Variants in ANGPTL7 observed in about 807,000 individuals in gnomAD.
ANGPTL7 encodes angiopoietin-related protein 7.
ANGPTL7 carries 37 observed loss-of-function variants against 38.8 expected under a neutral mutation model. The ratio of observed to expected loss-of-function variants is 0.95; its 90% CI spans 0.73 to 1.25. ANGPTL7 has a LOEUF of 1.25. Among genes scored for constraint, ANGPTL7 ranks in the 50% most tolerant of loss-of-function variants. The pLI, the probability that ANGPTL7 is intolerant of heterozygous loss-of-function variation, is 0.00. For synonymous variants in ANGPTL7, 166 were observed against 163.2 expected, an observed-to-expected ratio of 1.02 and a Z score of -0.13; for missense variants, 427 against 438.6, an observed-to-expected ratio of 0.97 and a Z score of 0.24.
rs200566948 is a variant in ANGPTL7 at position 11,194,907 on chromosome 1, C to T, written c.925C>T (p.Arg309Cys). ...TDSNLNGVYY[R>C]LGEHNKHLDG... ...CTCCAACCTCAATGGAGTGTACTAC[C>T]GCCTGGGTGAGCACAATAAGCACCT... is the stretch of plus-strand genomic sequence containing the variant. Residue 309 changes from arginine (R) to cysteine (C), a missense_variant, in exon 5 of 5, where the codon CGC becomes TGC. Transcript: ENST00000376819. 34 of 1,614,008 alleles carry T rather than the reference C, an allele frequency of 2.1e-5. No individual in the cohort carries two copies. The highest frequency in any genetic ancestry group is 6.7e-5 in the African/African-American group (5 of 74,884).
chr1:11,189,659 A>T lies in ANGPTL7; in HGVS notation c.80A>T (p.Gln27Leu), dbSNP rs1295214993. 1.2e-6 allele frequency: 2 copies of T among 1,614,194 alleles called. No individual in the cohort carries two copies. Among genetic ancestry groups the T allele is most frequent in the African/African-American group, 2.7e-5 (2 of 75,040 alleles). ...VAFVSHPAWL[Q>L]KLSKHKTPAQ... ...TTTGTCAGCCACCCAGCGTGGCTGCAGAAGCTCTCTAAGCACAAGACACCA... is the reference window on the plus strand; with the variant it reads ...TTTGTCAGCCACCCAGCGTGGCTGCTGAAGCTCTCTAAGCACAAGACACCA... Residue 27 changes from glutamine to leucine, a missense_variant, in exon 1 of 5, where the codon CAG becomes CTG. Transcript: ENST00000376819.
At position 11,194,534 on chromosome 1, in the gene ANGPTL7, T is replaced by G; in HGVS notation, c.746T>G (p.Leu249Arg). The change falls in exon 4 of 5, where the codon CTC becomes CGC. Residue 249 changes from leucine to arginine, a missense_variant. By Grantham distance (102) the Leu-to-Arg change is moderately radical (BLOSUM62 -2). Coordinates refer to ENST00000376819, the MANE Select transcript of ANGPTL7 (RefSeq NM_021146.4). Reference sequence around the variant, plus strand: ...GGCAATGAACTCAACAGCTATCGCCTCTTCCTGGGGAACTACACTGGCAAT... The same window carrying G: ...GGCAATGAACTCAACAGCTATCGCCGCTTCCTGGGGAACTACACTGGCAAT... ...VLGNELNSYRLFLGNYTGNVG... is the reference protein window; with the variant it reads ...VLGNELNSYRRFLGNYTGNVG... 6.2e-7 allele frequency: 1 copy of G among 1,614,148 alleles called. No homozygotes were observed.
At chr1:11,192,195 G>A (rs1334450528) in intron 1 of ANGPTL7, 75 bp from the exon 2 acceptor site, 34 of 1,085,524 alleles carry the variant, frequency 3.1e-5, no homozygotes, top group Non-Finnish European at 4.7e-5. Flanking sequence ...AGAAATAAAG[G>A]CTCAGTCTCT....
At chr1:11,193,240 G>A (rs940201528) in intron 2 of ANGPTL7, among the ~76,000 whole-genome samples, 5 of 152,010 alleles carry the variant, frequency 3.3e-5, no homozygotes, top group African/African-American at 9.7e-5. Context: ...AACTCAGGAG[G>A]TGGAGGTTGC....
At chr1:11,192,783 C>T (rs966412250) in intron 2 of ANGPTL7, among the ~76,000 whole-genome samples, 4 of 147,232 alleles carry the variant, frequency 2.7e-5, no homozygotes, top group Non-Finnish European at 6.0e-5. Flanking sequence ...AACTCAAACA[C>T]AAGCAAACAC....
chr1:11,194,195 T>C (rs987280162), intron 3 of ANGPTL7, among the ~76,000 whole-genome samples: 7 of 152,172 alleles, frequency 4.6e-5, no homozygotes, highest in African/African-American at 1.4e-4. Context: ...AGCAAAAACA[T>C]AGCTGCACCT....
At chr1:11,192,989 G>A (rs1031771497) in intron 2 of ANGPTL7, among the ~76,000 whole-genome samples, 1 of 151,876 alleles carries the variant, frequency 6.6e-6, no homozygotes, top group South Asian at 2.1e-4. Context: ...TGGGGGAGGA[G>A]AAAAGAAAAC....
Position 11,194,472 on chromosome 1 carries a change from C to A in ANGPTL7, c.684C>A (p.Gly228=). The part of the protein sequence containing the change: ...RLRVEMEDWE[G]NLRYAEYSHF... ...GCTCCTCCTGACAGGACTGGGAGGG[C>A]AACCTGCGCTACGCTGAGTATAGCC... Residue 228 remains glycine, a synonymous_variant, in exon 4 of 5, where the codon GGC becomes GGA. Coordinates refer to ENST00000376819, the MANE Select transcript of ANGPTL7 (RefSeq NM_021146.4). 3 of 1,613,994 alleles carry A rather than the reference C, an allele frequency of 1.9e-6. No individual in the cohort carries two copies. Among genetic ancestry groups the A allele is most frequent in the Non-Finnish European group, 2.5e-6 (3 of 1,180,022 alleles).
intron 2 of ANGPTL7, 25 bp from the exon 3 acceptor site, chr1:11,193,555 C>T (rs368967216): frequency 1.3e-6 from 2 of 1,554,304 alleles, no homozygotes; most frequent in Non-Finnish European, 1.7e-6. Context: ...GCAAGTCCCT[C>T]ACCAGAGTAT....
intron 1 of ANGPTL7, among the ~76,000 whole-genome samples, chr1:11,191,378 C>G (rs1443103997): frequency 6.6e-6 from 1 of 152,152 alleles, no homozygotes; most frequent in African/African-American, 2.4e-5. Context: ...CCTCCCTTTC[C>G]CAAGGTGCTC....
At position 11,192,166 on chromosome 1, in the gene ANGPTL7, C is replaced by T. The variant is rs28991001; in HGVS notation, c.377-104C>T. 886 of 851,186 alleles carry T rather than the reference C, an allele frequency of 1.0e-3. 7 individuals are homozygous for T. In the African/African-American group the frequency reaches 0.014, roughly 13 times the overall value. 52.7% of individuals were successfully genotyped at this position (851,186 alleles called of 1,614,324 possible). ...TGCAGACACTGATGGGTAATTAACA[C>T]CACTGAGAATCCCAGGGTAGAAATA... On this transcript the variant is annotated intron_variant, in intron 1 of 4. Transcript: ENST00000376819.
chr1:11,193,627 G>C lies in ANGPTL7; in HGVS notation c.525G>C (p.Gln175His). The C allele has an allele frequency of 3.1e-6, 5 of 1,612,570 alleles. No homozygotes were observed. Among genetic ancestry groups the C allele is most frequent in the Admixed American group, 1.7e-5 (1 of 59,880 alleles). Residue 175 changes from glutamine to histidine, a missense_variant, in exon 3 of 5, where the codon CAG (glutamine) becomes CAC (histidine). Coordinates refer to ENST00000376819, the MANE Select transcript of ANGPTL7 (RefSeq NM_021146.4). ...ETSGGGWTII[Q>H]RRKSGLVSFY... ...CAGGCGGAGGCTGGACCATCATCCA[G>C]AGACGAAAAAGTGGCCTTGTCTCCT...
intron 1 of ANGPTL7, 119 bp downstream of exon 1, chr1:11,190,074 T>C: frequency 6.7e-6 from 8 of 1,195,630 alleles, no homozygotes; most frequent in Non-Finnish European, 8.1e-6. Context: ...ACTTTCCCTT[T>C]AGTAAAGGCT....
At chr1:11,192,453 A>G in intron 2 of ANGPTL7, 83 bp downstream of exon 2, 1 of 1,226,690 alleles carries the variant, frequency 8.2e-7, no homozygotes, top group African/African-American at 1.5e-5. Flanking sequence ...GGCCATTCAC[A>G]GTTTAAAGAA....
intron 3 of ANGPTL7, among the ~76,000 whole-genome samples, chr1:11,194,005 C>T (rs1261619344): frequency 2.6e-5 from 4 of 152,212 alleles, no homozygotes; most frequent in African/African-American, 7.2e-5. Context: ...AGAGGCCAGA[C>T]CCAGGCCAGA....
In ANGPTL7 at chr1:11,189,927, A is replaced by T. The variant is rs954017854; in HGVS notation, c.348A>T (p.Ala116=). 4.3e-6 allele frequency: 7 copies of T among 1,613,008 alleles called. No homozygotes were observed. The highest frequency in any genetic ancestry group is 5.9e-6 in the Non-Finnish European group (7 of 1,179,684). Residue 116 remains alanine, a synonymous_variant, in exon 1 of 5, where the codon GCA becomes GCT. Coordinates refer to ENST00000376819, the MANE Select transcript of ANGPTL7 (RefSeq NM_021146.4). ...NNQIDIMQLQ[A]AQTVTQTSAD... is the part of the protein sequence containing the mutation. ...AAATTGACATCATGCAGCTGCAGGC[A>T]GCACAGACGGTCACTCAGACCTCCG...
chr1:11,194,944 C>G lies in ANGPTL7; in HGVS notation c.962C>G (p.Thr321Ser). Residue 321 changes from threonine to serine, a missense_variant, in exon 5 of 5, where the codon ACC (threonine) becomes AGC (serine). Thr to Ser is a moderately conservative substitution (Grantham distance 58, BLOSUM62 1). Coordinates refer to ENST00000376819, the MANE Select transcript of ANGPTL7 (RefSeq NM_021146.4). The stretch of plus-strand genomic sequence containing the variant: ...CACAATAAGCACCTGGATGGCATCA[C>G]CTGGTATGGCTGGCATGGATCTACC... ...GEHNKHLDGITWYGWHGSTYS... is the reference protein window; with the variant it reads ...GEHNKHLDGISWYGWHGSTYS... 1 of 1,614,092 alleles carries G rather than the reference C, an allele frequency of 6.2e-7. No individual in the cohort carries two copies. The highest frequency in any genetic ancestry group is 8.5e-7 in the Non-Finnish European group (1 of 1,180,030).
At position 11,195,357 on chromosome 1, in the gene ANGPTL7, T is replaced by A. The variant is rs1255932097; in HGVS notation, c.*334T>A. On this transcript the variant is annotated 3_prime_UTR_variant, in exon 5 of 5. Transcript: ENST00000376819. Reference sequence around the variant, plus strand: ...TGAAAGAAAATAATTTTGAGATCGTTTTATCTATTTTCTCTACGGCTTAGG... The same window carrying A: ...TGAAAGAAAATAATTTTGAGATCGTATTATCTATTTTCTCTACGGCTTAGG... 1 of 225,168 alleles carries A rather than the reference T, an allele frequency of 4.4e-6. No individual in the cohort carries two copies. Among genetic ancestry groups the A allele is most frequent in the Non-Finnish European group, 8.8e-6 (1 of 114,000 alleles). The allele number at this position is 225,168 out of a possible 1,614,324, so 13.9% of individuals were successfully genotyped here. A position where few individuals can be genotyped will look rare whatever the true frequency, so the allele number is the denominator to read the frequency against.
Position 11,195,097 on chromosome 1 carries a change from AAG to A in ANGPTL7, c.*79_*80del, listed in dbSNP as rs1645734163. 7.4e-6 allele frequency: 11 copies of A among 1,494,812 alleles called. No homozygotes were observed. The South Asian group carries it at 1.1e-4, about 15-fold the overall frequency. 92.6% of individuals were successfully genotyped at this position (1,494,812 alleles called of 1,614,324 possible). On this transcript the variant is annotated 3_prime_UTR_variant, in exon 5 of 5. Transcript: ENST00000376819. The stretch of plus-strand genomic sequence containing the variant: ...CTGGATGAGGGCAGATGAGGACAGG[AAG>A]AGAGTGTTAGAAAGGGTAGGACTGA...
Sources: allele counts gnomAD v4.1 joint callset (sites outside exome capture counted in the v4.1 genomes callset), GRCh38; gene constraint gnomAD v4.1.1; transcripts MANE v1.5; gene names NCBI Gene and HGNC (gene_info 2026-07-23, HGNC 2026-07-21).